The following MTMR14 variants were observed in gnomAD, a reference collection of about 807,000 sequenced individuals.
MTMR14 encodes the protein phosphatidylinositol-3,5-bisphosphate 3-phosphatase MTMR14.
A neutral mutation model predicts 86.3 loss-of-function variants in MTMR14; 48 were observed. The ratio of observed to expected loss-of-function variants is 0.56; its 90% CI spans 0.44 to 0.71. The LOEUF is 0.71. MTMR14 is among the 30% of genes least tolerant of loss of function. MTMR14 has a pLI of 0.00. For synonymous variants in MTMR14, 366 were observed against 326.1 expected (o/e 1.12, Z -1.32); for missense variants, 780 against 834.6 (o/e 0.93, Z 0.81).
chr3:9,677,440 G>A lies in MTMR14; in HGVS notation c.822+53G>A. 1 of 1,512,402 alleles carries A rather than the reference G, an allele frequency of 6.6e-7. No individual in the cohort carries two copies. The highest frequency in any genetic ancestry group is 9.2e-7 in the Non-Finnish European group (1 of 1,087,498). The allele number at this position is 1,512,402 out of a possible 1,614,324, so 93.7% of individuals were successfully genotyped here. ...GATCTATGTCTCTTTGTAAAGGGAGGCCAAGGAGAACAACAAGCAGTCTTT... is the reference window on the plus strand; with the variant it reads ...GATCTATGTCTCTTTGTAAAGGGAGACCAAGGAGAACAACAAGCAGTCTTT... On this transcript the variant is annotated intron_variant, in intron 8 of 18. Transcript: ENST00000296003. This position sits in a 1 kb window ranked among gnomAD's most constrained non-coding sequence, Gnocchi z 4.2.
chr3:9,689,816 C>T (rs1231231089), intron 16 of MTMR14, 148 bp from the exon 17 acceptor site: 2 of 747,440 alleles, frequency 2.7e-6, no homozygotes, highest in South Asian at 1.8e-5. Flanking sequence ...CTGCCCATGG[C>T]CCTGAGCTGG....
intron 3 of MTMR14, among the ~76,000 whole-genome samples, chr3:9,663,200 C>T (rs145103798): frequency 2.0e-5 from 3 of 151,854 alleles, no homozygotes; most frequent in African/African-American, 4.8e-5. Context: ...GGGAAGGGAG[C>T]GGAATTCAGT....
chr3:9,655,240 T>G, intron 2 of MTMR14, among the ~76,000 whole-genome samples: 1 of 151,364 alleles, frequency 6.6e-6, no homozygotes, highest in East Asian at 2.0e-4. Flanking sequence ...GGTGGTGGGC[T>G]CCTGTAATCC....
intron 18 of MTMR14, 142 bp downstream of exon 18, chr3:9,698,008 C>T: frequency 8.1e-7 from 1 of 1,227,188 alleles, no homozygotes; most frequent in East Asian, 2.3e-5. Flanking sequence ...GCTGCTGGAC[C>T]CGAGGTATGA....
intron 4 of MTMR14, among the ~76,000 whole-genome samples, chr3:9,669,062 C>T (rs1041376135): frequency 1.3e-5 from 2 of 151,766 alleles, no homozygotes; most frequent in East Asian, 3.9e-4. Context: ...ATCGCTTGAA[C>T]CCGGGAGATG....
chr3:9,694,792 G>A (rs962277597), intron 17 of MTMR14, among the ~76,000 whole-genome samples: 1 of 152,194 alleles, frequency 6.6e-6, no homozygotes, highest in Non-Finnish European at 1.5e-5. Flanking sequence ...CTAGCTAAAA[G>A]ACACCTGCTC....
intron 3 of MTMR14, among the ~76,000 whole-genome samples, chr3:9,666,278 CA>C (rs1188123959): frequency 1.3e-5 from 2 of 151,948 alleles, no homozygotes; most frequent in African/African-American, 2.4e-5. Context: ...GGATTATAGG[CA>C]CGTGCCTCCA....
chr3:9,663,153 C>T (rs979766690), intron 3 of MTMR14, among the ~76,000 whole-genome samples: 1 of 151,886 alleles, frequency 6.6e-6, no homozygotes, highest in Non-Finnish European at 1.5e-5. Flanking sequence ...GAAAATTGGT[C>T]CAAGAAGAGT....
At chr3:9,661,434 C>G (rs1326988528) in intron 2 of MTMR14, among the ~76,000 whole-genome samples, 1 of 152,216 alleles carries the variant, frequency 6.6e-6, no homozygotes, top group African/African-American at 2.4e-5. Flanking sequence ...AGGTGGAAGT[C>G]AGACGGTAAT....
intron 13 of MTMR14, among the ~76,000 whole-genome samples, chr3:9,686,676 A>G (rs1157551805): frequency 6.6e-6 from 1 of 152,234 alleles, no homozygotes; most frequent in East Asian, 1.9e-4. Flanking sequence ...CAACATTTTC[A>G]TACTGACCCG....
At chr3:9,670,946 C>G in intron 5 of MTMR14, 102 bp from the exon 6 acceptor site, 1 of 1,490,866 alleles carries the variant, frequency 6.7e-7, no homozygotes, top group Non-Finnish European at 9.3e-7. Flanking sequence ...GCCCCAGCTT[C>G]TGGAGAAGAG....
intron 7 of MTMR14, chr3:9,675,499 G>T (rs1182994786): frequency 4.4e-6 from 2 of 450,692 alleles, no homozygotes; most frequent in African/African-American, 2.0e-5. Flanking sequence ...ACACTATCTT[G>T]GGCCCTTGGA....
chr3:9,684,563 C>G (rs368327658), intron 10 of MTMR14, 22 bp from the exon 11 acceptor site: 1 of 1,613,168 alleles, frequency 6.2e-7, no homozygotes, highest in South Asian at 1.1e-5. Flanking sequence ...CCTGGGCATC[C>G]TCTCCTGCGG....
chr3:9,656,851 G>A (rs1423636231), intron 2 of MTMR14, among the ~76,000 whole-genome samples: 1 of 152,096 alleles, frequency 6.6e-6, no homozygotes, highest in Non-Finnish European at 1.5e-5. Context: ...GTGCTGGCTG[G>A]CTGGTGGTTT....
At chr3:9,671,292 C>A in intron 6 of MTMR14, 122 bp downstream of exon 6, 1 of 1,347,414 alleles carries the variant, frequency 7.4e-7, no homozygotes, top group Non-Finnish European at 1.0e-6. Context: ...TGTACATTAT[C>A]TCACTGTATC....
chr3:9,683,544 G>T, intron 10 of MTMR14: 1 of 373,242 alleles, frequency 2.7e-6, no homozygotes, highest in South Asian at 2.6e-5. Context: ...GCCAGGATGG[G>T]CCTCTCATTC....
At chr3:9,678,308 G>A (rs1045411659) in intron 9 of MTMR14, among the ~76,000 whole-genome samples, 1 of 152,176 alleles carries the variant, frequency 6.6e-6, no homozygotes, top group Non-Finnish European at 1.5e-5. Flanking sequence ...ATCCACCAGG[G>A]GGTTCTGTTT....
At chr3:9,657,771 G>A (rs1263730831) in intron 2 of MTMR14, among the ~76,000 whole-genome samples, 1 of 152,008 alleles carries the variant, frequency 6.6e-6, no homozygotes, top group Non-Finnish European at 1.5e-5. Context: ...GGCTGGTCTT[G>A]AACTCCTGAC....
intron 1 of MTMR14, among the ~76,000 whole-genome samples, chr3:9,653,190 G>T (rs1423514642): frequency 6.6e-6 from 1 of 152,160 alleles, no homozygotes; most frequent in Non-Finnish European, 1.5e-5. Context: ...AGCTGAGATT[G>T]CCCCACTGCA....
Sources: allele counts gnomAD v4.1 joint callset (sites outside exome capture counted in the v4.1 genomes callset), GRCh38; gene constraint gnomAD v4.1.1; non-coding constraint Gnocchi (gnomAD v3.1); transcripts MANE v1.5; gene names NCBI Gene and HGNC (gene_info 2026-07-23, HGNC 2026-07-21).